Variants in CAP2 observed in about 807,000 individuals in gnomAD.
CAP2 encodes the protein adenylyl cyclase-associated protein 2.
CAP2 carries 24 observed loss-of-function variants against 57.7 expected under a neutral mutation model. The ratio of observed to expected loss-of-function variants is 0.42; its 90% CI spans 0.30 to 0.58. CAP2 has a LOEUF of 0.58. Ranked by LOEUF, CAP2 falls within the 20% of genes least tolerant of loss-of-function variation. The pLI is 0.22. For synonymous variants in CAP2, 194 were observed against 207.2 expected (o/e 0.94, Z 0.55); for missense variants, 501 against 590.3 (o/e 0.85, Z 1.57).
chr6:17,543,210 A>G (rs1762950129), intron 11 of CAP2, 67 bp downstream of exon 11: 2 of 1,328,346 alleles, frequency 1.5e-6, no homozygotes, highest in Admixed American at 3.4e-5. Context: ...TAATAAGCAG[A>G]GCCTTTCCAA....
At chr6:17,461,140 C>A (rs901932203) in intron 3 of CAP2, among the ~76,000 whole-genome samples, 8 of 151,776 alleles carry the variant, frequency 5.3e-5, no homozygotes, top group Non-Finnish European at 1.0e-4. Context: ...CAGAGTGAGA[C>A]CATGTCTCTA....
intron 4 of CAP2, among the ~76,000 whole-genome samples, chr6:17,472,035 T>C (rs61515521): frequency 0.013 from 1,955 of 151,990 alleles, 39 homozygotes; most frequent in African/African-American, 0.04. Flanking sequence ...GTTTCTGCTC[T>C]GTTAATAGTG....
Position 17,498,043 on chromosome 6 carries a change from G to A in CAP2, c.301-9126G>A, listed in dbSNP as rs985785027. Among the ~76,000 whole-genome samples, 45 of 152,112 alleles carry A rather than the reference G, an allele frequency of 3.0e-4. 1 individual carries two copies. The highest frequency in any genetic ancestry group is 1.0e-3 in the South Asian group (5 of 4,824). On this transcript the variant is annotated intron_variant, in intron 4 of 12. Transcript: ENST00000229922. ...TTTCCTCTCACATAACCTATCCTTC[G>A]GAAAAGTGTCAGACATTGACAGCAT...
intron 4 of CAP2, among the ~76,000 whole-genome samples, chr6:17,463,741 T>C (rs1760789903): frequency 6.6e-6 from 1 of 152,138 alleles, no homozygotes; most frequent in African/African-American, 2.4e-5. Flanking sequence ...AACACCAAAA[T>C]TGGAAAGAGT....
rs193098302 is a variant in CAP2 at position 17,541,736 on chromosome 6, G to A, written c.1002+588G>A. 6.6e-4 allele frequency among the ~76,000 whole-genome samples: 101 copies of A among 152,174 alleles called. 1 individual carries two copies. The East Asian group carries it at 0.019, about 29-fold the overall frequency. On this transcript the variant is annotated intron_variant, in intron 9 of 12. Coordinates refer to ENST00000229922, the MANE Select transcript of CAP2 (RefSeq NM_006366.3). ...TTGTTAACTATATTTACCCTACTCT[G>A]CTGTCGAATTAGAATTTATTCCTTC...
At chr6:17,473,142 A>G (rs1216058292) in intron 4 of CAP2, among the ~76,000 whole-genome samples, 1 of 152,020 alleles carries the variant, frequency 6.6e-6, no homozygotes, top group African/African-American at 2.4e-5. Flanking sequence ...TGGTTATCAC[A>G]CCCTGGGGAT....
chr6:17,507,035 GATGATT>G, intron 4 of CAP2, 128 bp from the exon 5 acceptor site: 1 of 828,372 alleles, frequency 1.2e-6, no homozygotes, highest in South Asian at 1.5e-5. Flanking sequence ...TGTTCTCAAA[GATGATT>G]ATATGTTTCT....
At chr6:17,405,297 G>A (rs1011251169) in intron 1 of CAP2, among the ~76,000 whole-genome samples, 3 of 152,062 alleles carry the variant, frequency 2.0e-5, no homozygotes, top group Non-Finnish European at 2.9e-5. Context: ...CAGGAGAATC[G>A]TGTGAACCCA....
intron 3 of CAP2, among the ~76,000 whole-genome samples, chr6:17,448,128 C>T (rs1301055467): frequency 6.6e-6 from 1 of 152,228 alleles, no homozygotes; most frequent in African/African-American, 2.4e-5. Context: ...ACTTAAATAA[C>T]ACAAAATGAA....
chr6:17,526,360 C>T (rs1762509425), intron 7 of CAP2, among the ~76,000 whole-genome samples: 1 of 151,950 alleles, frequency 6.6e-6, no homozygotes, highest in African/African-American at 2.4e-5. Context: ...TCAGGTGATC[C>T]AACCTTCTGT....
chr6:17,436,086 T>TTTCTTTCTTTCC (rs778187025), intron 3 of CAP2, among the ~76,000 whole-genome samples: 2 of 133,904 alleles, frequency 1.5e-5, no homozygotes, highest in African/African-American at 2.9e-5. Flanking sequence ...TCTTTCTTTC[T>TTTCTTTCTTTCC]TTCCTTCCTT....
intron 3 of CAP2, among the ~76,000 whole-genome samples, chr6:17,444,929 G>T (rs1248597042): frequency 6.6e-6 from 1 of 151,756 alleles, no homozygotes; most frequent in Non-Finnish European, 1.5e-5. Context: ...TTTTGTAGTT[G>T]AGGAAAGTGA....
At chr6:17,530,104 G>C (rs1034279469) in intron 7 of CAP2, among the ~76,000 whole-genome samples, 3 of 152,098 alleles carry the variant, frequency 2.0e-5, no homozygotes, top group Non-Finnish European at 4.4e-5. Context: ...TTTGAGACAG[G>C]GTCTCTGTCT....
At chr6:17,506,473 C>A (rs1761987833) in intron 4 of CAP2, among the ~76,000 whole-genome samples, 1 of 152,040 alleles carries the variant, frequency 6.6e-6, no homozygotes, top group Admixed American at 6.6e-5. Context: ...GCCAACCCCA[C>A]CTCTGCTAAA....
intron 1 of CAP2, among the ~76,000 whole-genome samples, chr6:17,416,212 G>T (rs116456107): frequency 0.014 from 2,121 of 149,478 alleles, 32 homozygotes; most frequent in Non-Finnish European, 0.021. Context: ...AAAATGAAAT[G>T]TTGGGGACAA....
rs552459596 is a variant in CAP2 at position 17,507,133 on chromosome 6, C to T, written c.301-36C>T. The T allele has an allele frequency of 1.7e-5, 27 of 1,613,354 alleles. 1 individual carries two copies. The South Asian group carries it at 2.7e-4, about 16-fold the overall frequency. On this transcript the variant is annotated intron_variant, in intron 4 of 12. Transcript: ENST00000229922. ...TAGAGGTGCTATGCGTCTGCTCTGT[C>T]TGTAGTAAAAGCCCCCGATGTTTGA...
intron 3 of CAP2, among the ~76,000 whole-genome samples, chr6:17,456,172 G>A (rs1251068083): frequency 7.9e-5 from 12 of 152,276 alleles, no homozygotes; most frequent in African/African-American, 1.7e-4. Context: ...CAAATCTACC[G>A]AATCAGAAAC....
At chr6:17,522,559 A>G (rs909716000) in intron 7 of CAP2, among the ~76,000 whole-genome samples, 43 of 152,318 alleles carry the variant, frequency 2.8e-4, no homozygotes, top group Non-Finnish European at 2.2e-4. Flanking sequence ...GGTGAGCAGG[A>G]GTTCCCTAGG....
intron 11 of CAP2, among the ~76,000 whole-genome samples, chr6:17,544,683 G>T (rs1406673302): frequency 6.6e-6 from 1 of 152,066 alleles, no homozygotes; most frequent in Admixed American, 6.6e-5. Flanking sequence ...CCCCTGAGTA[G>T]CTGGGATTAC....
Sources: allele counts gnomAD v4.1 joint callset (sites outside exome capture counted in the v4.1 genomes callset), GRCh38; gene constraint gnomAD v4.1.1; transcripts MANE v1.5; gene names NCBI Gene and HGNC (gene_info 2026-07-23, HGNC 2026-07-21).